SHISA6: variants seen among roughly 807,000 people sequenced by gnomAD.
The protein encoded by SHISA6 is protein shisa-6.
Under a neutral mutation model 47.9 loss-of-function variants are expected in SHISA6, and 22 were observed. That is an observed-to-expected ratio of 0.46 (90% CI 0.33 to 0.66). The LOEUF (loss-of-function observed/expected upper bound fraction) is 0.66. Among genes scored for constraint, SHISA6 ranks in the 30% least tolerant of loss-of-function variants. SHISA6 has a pLI of 0.02. For synonymous variants in SHISA6, 388 were observed against 337.8 expected (o/e 1.15, Z -1.63); for missense variants, 680 against 764.6 (o/e 0.89, Z 1.30).
rs114560795 is a variant in SHISA6, at chr17:11,448,986, C to T, written c.895+69477C>T. Among the ~76,000 whole-genome samples the T allele has an allele frequency of 6.6e-3, 998 of 152,240 alleles. 10 individuals are homozygous for T. Among genetic ancestry groups the T allele is most frequent in the African/African-American group, 0.022 (934 of 41,524 alleles). ...AAAAGTTTTATATTTATATTTTATGCTTGTCACTTCCCCACTTTTATATTT... is the reference window on the plus strand; with the variant it reads ...AAAAGTTTTATATTTATATTTTATGTTTGTCACTTCCCCACTTTTATATTT... On this transcript the variant is annotated intron_variant, in intron 3 of 5. Transcript: ENST00000441885.
At chr17:11,417,200 AG>A (rs1914305183) in intron 3 of SHISA6, among the ~76,000 whole-genome samples, 1 of 45,250 alleles carries the variant, frequency 2.2e-5, no homozygotes, top group Non-Finnish European at 6.9e-5. Context: ...TCTGTTCACC[AG>A]AGTCTAAAAT....
chr17:11,296,032 C>G (rs1471216504), intron 2 of SHISA6, among the ~76,000 whole-genome samples: 1 of 150,560 alleles, frequency 6.6e-6, no homozygotes, highest in Admixed American at 6.6e-5. Context: ...TGCAAGGGCG[C>G]TGATAAGCCA....
chr17:11,485,976 G>A (rs903367584), intron 3 of SHISA6, among the ~76,000 whole-genome samples: 7 of 152,122 alleles, frequency 4.6e-5, no homozygotes, highest in South Asian at 2.1e-4. Context: ...TAACATGCCC[G>A]CATGCCAGAT....
intron 3 of SHISA6, among the ~76,000 whole-genome samples, chr17:11,390,829 C>T (rs572013231): frequency 3.9e-5 from 6 of 152,284 alleles, no homozygotes; most frequent in African/African-American, 7.2e-5. Flanking sequence ...AGACATGTTA[C>T]ATTTGCCCAT....
intron 3 of SHISA6, among the ~76,000 whole-genome samples, chr17:11,422,237 A>G (rs960576175): frequency 6.6e-6 from 1 of 152,186 alleles, no homozygotes; most frequent in Admixed American, 6.5e-5. Context: ...TGGTGGGGCA[A>G]TGAACTGCAT....
chr17:11,313,018 CACCATGGGCA>C (rs1910388970), intron 2 of SHISA6, among the ~76,000 whole-genome samples: 1 of 152,136 alleles, frequency 6.6e-6, no homozygotes, highest in Non-Finnish European at 1.5e-5. Context: ...TAAAAATTCC[CACCATGGGCA>C]ACTTCAAGCT....
chr17:11,417,700 G>A (rs545506016), intron 3 of SHISA6, among the ~76,000 whole-genome samples: 2 of 152,312 alleles, frequency 1.3e-5, no homozygotes, highest in African/African-American at 4.8e-5. Context: ...AGCCATTGCT[G>A]GTAGTTCGGA....
At chr17:11,522,455 A>G (rs562801496) in intron 3 of SHISA6, among the ~76,000 whole-genome samples, 1 of 152,064 alleles carries the variant, frequency 6.6e-6, no homozygotes, top group South Asian at 2.1e-4. Context: ...TTGTATAGAG[A>G]AGTTGTAGTT....
At chr17:11,486,903 G>T (rs1157939342) in intron 3 of SHISA6, among the ~76,000 whole-genome samples, 1 of 152,224 alleles carries the variant, frequency 6.6e-6, no homozygotes, top group African/African-American at 2.4e-5. Context: ...CACAGTTGGT[G>T]TCTAGCCCGG....
chr17:11,242,305 T>C (rs568287911), intron 1 of SHISA6, among the ~76,000 whole-genome samples: 10 of 152,296 alleles, frequency 6.6e-5, no homozygotes, highest in African/African-American at 2.4e-4. Flanking sequence ...ATTGGTTGAG[T>C]GCATGAAGTT....
intron 3 of SHISA6, among the ~76,000 whole-genome samples, chr17:11,516,703 CA>C (rs1875253464): frequency 6.6e-6 from 1 of 152,170 alleles, no homozygotes; most frequent in African/African-American, 2.4e-5. Flanking sequence ...AGCACACTAC[CA>C]GTAAATCCAT....
At chr17:11,293,305 G>A (rs1474150507) in intron 2 of SHISA6, among the ~76,000 whole-genome samples, 1 of 152,102 alleles carries the variant, frequency 6.6e-6, no homozygotes, top group Non-Finnish European at 1.5e-5. Flanking sequence ...ATACATTTTA[G>A]CAAAAGGTTA....
intron 3 of SHISA6, among the ~76,000 whole-genome samples, chr17:11,389,137 G>A (rs1913304442): frequency 6.6e-6 from 1 of 152,006 alleles, no homozygotes; most frequent in South Asian, 2.1e-4. Context: ...AGCCACCCAC[G>A]GAGTCCACCT....
At chr17:11,396,947 G>A (rs1913591367) in intron 3 of SHISA6, among the ~76,000 whole-genome samples, 1 of 152,070 alleles carries the variant, frequency 6.6e-6, no homozygotes, top group Non-Finnish European at 1.5e-5. Flanking sequence ...CATTTTCAAT[G>A]CTCTGGAACC....
At chr17:11,491,098 C>A (rs937945813) in intron 3 of SHISA6, among the ~76,000 whole-genome samples, 2 of 152,160 alleles carry the variant, frequency 1.3e-5, no homozygotes, top group Non-Finnish European at 2.9e-5. Context: ...GCATCTCCAA[C>A]GTCAAGATTC....
intron 3 of SHISA6, among the ~76,000 whole-genome samples, chr17:11,522,065 A>C (rs879843500): frequency 1.3e-5 from 2 of 151,682 alleles, no homozygotes; most frequent in Non-Finnish European, 2.9e-5. Flanking sequence ...TCCCAGGTTC[A>C]TGCCATCCTC....
At chr17:11,367,973 C>A (rs1166994822) in intron 2 of SHISA6, among the ~76,000 whole-genome samples, 2 of 152,166 alleles carry the variant, frequency 1.3e-5, no homozygotes, top group African/African-American at 2.4e-5. Flanking sequence ...ACAGCTCCCC[C>A]ACCTAGAGTG....
chr17:11,367,724 G>C (rs1371489744), intron 2 of SHISA6, among the ~76,000 whole-genome samples: 2 of 152,204 alleles, frequency 1.3e-5, no homozygotes, highest in Non-Finnish European at 2.9e-5. Flanking sequence ...CATGGAATGA[G>C]ATGGAGGCTG....
intron 3 of SHISA6, among the ~76,000 whole-genome samples, chr17:11,424,886 G>A (rs1914564328): frequency 6.6e-6 from 1 of 151,432 alleles, no homozygotes; most frequent in South Asian, 2.1e-4. Context: ...GCGGGTGCCT[G>A]TAGTTGCAGC....
Sources: gnomAD v4.1 joint callset for allele counts (sites outside exome capture counted in the v4.1 genomes callset) on GRCh38, gnomAD v4.1.1 for gene constraint, MANE v1.5 for transcripts, NCBI Gene and HGNC (gene_info 2026-07-23, HGNC 2026-07-21) for gene names.